Variants in ABCG5 observed in about 807,000 individuals in gnomAD.
The protein encoded by ABCG5 is ATP-binding cassette sub-family G member 5.
ABCG5 carries 64 observed loss-of-function variants against 64.5 expected under a neutral mutation model. The ratio of observed to expected loss-of-function variants is 0.99; its 90% CI spans 0.81 to 1.22. ABCG5 has a LOEUF of 1.22. ABCG5 is among the 50% of genes most tolerant of loss of function. The probability of loss-of-function intolerance (pLI) is 0.00; values close to 1 mark genes in which losing one functional copy is unlikely to be tolerated. For missense variants in ABCG5, 908 were observed against 829.5 expected (o/e 1.09, Z -1.16); for synonymous variants, 385 against 326.3 (o/e 1.18, Z -1.94).
At chr2:43,813,565 C>T (rs1666601130) in intron 12 of ABCG5, among the ~76,000 whole-genome samples, 2 of 151,884 alleles carry the variant, frequency 1.3e-5, no homozygotes, top group Admixed American at 6.6e-5. Flanking sequence ...TCCCTTAGCA[C>T]AGACTATCCT....
Position 43,813,327 on chromosome 2 carries a change from G to C in ABCG5, c.1763-18C>G, listed in dbSNP as rs766293298. The stretch of plus-strand genomic sequence containing the variant: ...TGAGCTGCCTGTCAAGGAAAAGATT[G>C]ACAGTGTCAGGTGTGGTTTATCTCA... On this transcript the variant is annotated intron_variant, in intron 12 of 12. Transcript: ENST00000405322. The C allele has an allele frequency of 1.2e-5, 18 of 1,562,176 alleles. No homozygotes were observed. In the South Asian group the frequency reaches 1.2e-4, roughly 11 times the overall value.
chr2:43,813,982 C>G (rs1666656474), intron 12 of ABCG5, among the ~76,000 whole-genome samples: 1 of 152,088 alleles, frequency 6.6e-6, no homozygotes, highest in Non-Finnish European at 1.5e-5. Flanking sequence ...TCCCAAAGTG[C>G]TGGGATTACA....
intron 11 of ABCG5, among the ~76,000 whole-genome samples, chr2:43,816,575 G>C (rs1446838073): frequency 2.0e-5 from 3 of 152,124 alleles, no homozygotes; most frequent in Non-Finnish European, 4.4e-5. Flanking sequence ...ACGGAGTCTT[G>C]TTCTGTCACC....
intron 2 of ABCG5, 32 bp downstream of exon 2, chr2:43,837,802 A>G: frequency 1.9e-6 from 3 of 1,613,218 alleles, no homozygotes; most frequent in Non-Finnish European, 2.5e-6. Context: ...CTCAAGCCAA[A>G]TCCTTTTTAG....
intron 9 of ABCG5, among the ~76,000 whole-genome samples, chr2:43,823,379 A>G (rs775736097): frequency 5.3e-5 from 8 of 149,862 alleles, no homozygotes; most frequent in Non-Finnish European, 8.8e-5. Context: ...CCTCATGTCA[A>G]GCTCTAGAGC....
At chr2:43,822,694 C>T (rs1667310313) in intron 10 of ABCG5, 103 bp downstream of exon 10, 1 of 1,416,326 alleles carries the variant, frequency 7.1e-7, no homozygotes, top group Non-Finnish European at 9.3e-7. Context: ...AGTGTAGATC[C>T]TCCAGAGCAG....
At chr2:43,825,978 T>TTTTG (rs1271701400) in intron 6 of ABCG5, among the ~76,000 whole-genome samples, 2 of 151,788 alleles carry the variant, frequency 1.3e-5, no homozygotes, top group Non-Finnish European at 2.9e-5. Context: ...ACTAACGGTT[T>TTTTG]TTTGTTTGTT....
In ABCG5 at chr2:43,838,263, T is replaced by A. The variant is rs572894929; in HGVS notation, c.143+274A>T. 1.7e-5 allele frequency: 10 copies of A among 594,138 alleles called. No homozygotes were observed. Among genetic ancestry groups the A allele is most frequent in the Non-Finnish European group, 2.7e-5 (9 of 335,412 alleles). 36.8% of individuals were successfully genotyped at this position (594,138 alleles called of 1,614,324 possible). ...TGCATTCGCAGTACCCCCATTCCCA[T>A]CCACAGAGGGCAGGCCGTAGACACT... On this transcript the variant is annotated intron_variant, in intron 1 of 12. Coordinates refer to ENST00000405322, the MANE Select transcript of ABCG5 (RefSeq NM_022436.3). This position sits in a 1 kb window ranked among gnomAD's most constrained non-coding sequence, Gnocchi z 4.2.
the ABCG5 span, among the ~76,000 whole-genome samples, chr2:43,806,696 C>T: frequency 2.0e-5 from 3 of 152,096 alleles, no homozygotes; most frequent in Non-Finnish European, 4.4e-5. Flanking sequence ...AGTTCATATA[C>T]ATCAGTATTA....
intron 4 of ABCG5, 24 bp downstream of exon 4, chr2:43,831,745 C>T (rs772060760): frequency 3.9e-6 from 6 of 1,558,178 alleles, no homozygotes; most frequent in Admixed American, 3.9e-5. Flanking sequence ...AGTTTGCCCT[C>T]TGTGAGCGGG....
intron 6 of ABCG5, among the ~76,000 whole-genome samples, chr2:43,825,462 A>T (rs189008856): frequency 4.6e-4 from 70 of 152,294 alleles, no homozygotes; most frequent in Non-Finnish European, 8.5e-4. Flanking sequence ...CTGGGCGGAG[A>T]AAGTGAGTTT....
rs530054441 is a variant in ABCG5, at chr2:43,820,129, T to C, written c.1464-29A>G. The C allele has an allele frequency of 7.5e-6, 12 of 1,605,190 alleles. No homozygotes were observed. In the South Asian group the frequency reaches 7.8e-5, roughly 10 times the overall value. ...GAAAAGCATAAGCTCTTTAGTTTCCTCTCCAAGGGCTATCATTTAAGAAAA... is the reference window on the plus strand; with the variant it reads ...GAAAAGCATAAGCTCTTTAGTTTCCCCTCCAAGGGCTATCATTTAAGAAAA... On this transcript the variant is annotated intron_variant, in intron 10 of 12. Transcript: ENST00000405322.
Position 43,826,537 on chromosome 2 carries a change from G to A in ABCG5, c.635-16C>T. ...AGCATGACCTCTGCCAGCAAAGAAGGGCCAGACTTCTAAGGTAGTGCAGAG... is the reference window on the plus strand; with the variant it reads ...AGCATGACCTCTGCCAGCAAAGAAGAGCCAGACTTCTAAGGTAGTGCAGAG... On this transcript the variant is annotated splice_polypyrimidine_tract_variant and intron_variant, in intron 5 of 12. Coordinates refer to ENST00000405322, the MANE Select transcript of ABCG5 (RefSeq NM_022436.3). The A allele has an allele frequency of 1.2e-6, 2 of 1,614,148 alleles. No homozygotes were observed. The highest frequency in any genetic ancestry group is 1.7e-6 in the Non-Finnish European group (2 of 1,180,024).
At chr2:43,812,272 G>T (rs1185174123), downstream of ABCG5, among the ~76,000 whole-genome samples, 1 of 150,364 alleles carries the variant, frequency 6.7e-6, no homozygotes, top group African/African-American at 2.4e-5. Flanking sequence ...CAGCCTTAAT[G>T]GGGTTATTTC....
At chr2:43,808,772 AT>A (rs1323716577), downstream of ABCG5, among the ~76,000 whole-genome samples, 2 of 151,952 alleles carry the variant, frequency 1.3e-5, no homozygotes, top group Non-Finnish European at 2.9e-5. Flanking sequence ...GGCCACTGTT[AT>A]TTTTGCTGGC....
chr2:43,838,938 C>T (rs1668453535), upstream of ABCG5: 2 of 1,267,048 alleles, frequency 1.6e-6, no homozygotes, highest in African/African-American at 1.5e-5. The surrounding 1 kb of genome is among the most constrained non-coding windows in gnomAD (Gnocchi z 4.2). Context: ...GAGACGGGCC[C>T]AGGGCAGGAG....
chr2:43,808,823 A>T (rs1192890433), downstream of ABCG5, among the ~76,000 whole-genome samples: 1 of 152,180 alleles, frequency 6.6e-6, no homozygotes. Flanking sequence ...TAATTATTTA[A>T]TCAGTCCTTA....
Position 43,838,789 on chromosome 2 carries a change from G to A in ABCG5, c.-110C>T, listed in dbSNP as rs932582488. The A allele has an allele frequency of 1.7e-5, 27 of 1,548,918 alleles. No individual in the cohort carries two copies. Among genetic ancestry groups the A allele is most frequent in the African/African-American group, 9.6e-5 (7 of 73,120 alleles). ...TGCCCTGCCTGCTCCACCTGACCCC[G>A]GAGTCCCTTGGGACAGCAGGACTGG... On this transcript the variant is annotated 5_prime_UTR_variant, in exon 1 of 13. Coordinates refer to ENST00000405322, the MANE Select transcript of ABCG5 (RefSeq NM_022436.3). This position sits in a 1 kb window ranked among gnomAD's most constrained non-coding sequence, Gnocchi z 4.2.
intron 4 of ABCG5, 50 bp from the exon 5 acceptor site, chr2:43,828,165 T>C (rs1553371797): frequency 1.9e-6 from 3 of 1,612,084 alleles, no homozygotes; most frequent in Non-Finnish European, 2.5e-6. Flanking sequence ...GTGGCTGCTA[T>C]TTCAATTCAT....
Sources: allele counts gnomAD v4.1 joint callset (sites outside exome capture counted in the v4.1 genomes callset), GRCh38; gene constraint gnomAD v4.1.1; non-coding constraint Gnocchi (gnomAD v3.1); transcripts MANE v1.5; gene names NCBI Gene and HGNC (gene_info 2026-07-23, HGNC 2026-07-21).